The following SLC25A45 variants were observed in gnomAD, a reference collection of about 807,000 sequenced individuals.
SLC25A45 encodes the protein solute carrier family 25 member 45.
SLC25A45 carries 22 observed loss-of-function variants against 23.0 expected under a neutral mutation model. The ratio of observed to expected loss-of-function variants is 0.95; its 90% CI spans 0.68 to 1.36. The LOEUF (loss-of-function observed/expected upper bound fraction) is 1.36, where lower values mean the gene tolerates loss of function less well. Among genes scored for constraint, SLC25A45 ranks in the 40% most tolerant of loss-of-function variants. SLC25A45 has a pLI of 0.00. For missense variants in SLC25A45, 355 were observed against 383.5 expected, an observed-to-expected ratio of 0.93 and a Z score of 0.62; for synonymous variants, 136 against 155.0, an observed-to-expected ratio of 0.88 and a Z score of 0.91.
rs780923954 is a variant in SLC25A45, at chr11:65,382,002, T to C, written c.-18-33A>G. The stretch of plus-strand genomic sequence containing the variant: ...CTCCAGCAGAGGAGACAGAGTTGAA[T>C]TCCCCCCTCTCCCTCCCCTGGCCCA... On this transcript the variant is annotated intron_variant, in intron 1 of 6. Coordinates refer to ENST00000398802, the MANE Select transcript of SLC25A45 (RefSeq NM_182556.4). This position sits in a 1 kb window ranked among gnomAD's most constrained non-coding sequence, Gnocchi z 4.4. 3.4e-6 allele frequency: 5 copies of C among 1,489,292 alleles called. No homozygotes were observed. Among genetic ancestry groups the C allele is most frequent in the East Asian group, 2.3e-5 (1 of 44,272 alleles). The allele number at this position is 1,489,292 out of a possible 1,614,324, so 92.3% of individuals were successfully genotyped here.
In SLC25A45 at chr11:65,376,367, C is replaced by T; in HGVS notation, c.*40G>A. 1 of 1,600,946 alleles carries T rather than the reference C, an allele frequency of 6.2e-7. No homozygotes were observed. The highest frequency in any genetic ancestry group is 8.5e-7 in the Non-Finnish European group (1 of 1,170,410). ...CTCCAATCTCAAACTGGCCTCCAGG[C>T]CGTGGGCCTGATGGGGAGCTGCTGG... On this transcript the variant is annotated 3_prime_UTR_variant, in exon 7 of 7. Coordinates refer to ENST00000398802, the MANE Select transcript of SLC25A45 (RefSeq NM_182556.4).
Position 65,382,245 on chromosome 11 carries a change from A to G in SLC25A45, c.-19+241T>C. The G allele has an allele frequency of 2.0e-6, 1 of 497,838 alleles. No individual in the cohort carries two copies. The highest frequency in any genetic ancestry group is 3.7e-6 in the Non-Finnish European group (1 of 272,012). 30.8% of individuals were successfully genotyped at this position (497,838 alleles called of 1,614,324 possible). ...CAATGATCCTCGCTCTGAGGATGGC[A>G]ACTGGGTTCCTGCCCCATGGTCGGG... On this transcript the variant is annotated intron_variant, in intron 1 of 6. Transcript: ENST00000398802. This position sits in a 1 kb window ranked among gnomAD's most constrained non-coding sequence, Gnocchi z 4.4.
At chr11:65,377,535 G>T in intron 5 of SLC25A45, 1 of 507,134 alleles carries the variant, frequency 2.0e-6, no homozygotes, top group Non-Finnish European at 2.6e-6. Flanking sequence ...GTTCTCCTGC[G>T]CCCACCTCTC....
intron 5 of SLC25A45, chr11:65,378,332 A>G (rs1331706745): frequency 2.0e-5 from 3 of 152,032 alleles, no homozygotes; most frequent in African/African-American, 7.3e-5. Flanking sequence ...ACTAAAACAC[A>G]TTTTTCCTTT....
chr11:65,377,510 C>T (rs1205410424), intron 5 of SLC25A45: 1 of 753,150 alleles, frequency 1.3e-6, no homozygotes, highest in Non-Finnish European at 1.6e-6. Context: ...TGAAGGAGGT[C>T]CCCTCGTGAG....
chr11:65,380,876 C>A (rs1223608695), intron 2 of SLC25A45: 3 of 288,804 alleles, frequency 1.0e-5, no homozygotes, highest in South Asian at 2.9e-5. Context: ...CCAGGTGGGG[C>A]AGAGGCCCAG....
At chr11:65,379,588 G>A (rs1438554566) in intron 4 of SLC25A45, 27 bp from the exon 5 acceptor site, 1 of 1,583,384 alleles carries the variant, frequency 6.3e-7, no homozygotes, top group Non-Finnish European at 8.6e-7. Context: ...TGGCAGCGGA[G>A]TAGGCACCGT....
chr11:65,375,667 A>AG lies in SLC25A45; in HGVS notation c.*739dup, dbSNP rs779599075. 1 of 152,310 alleles carries AG rather than the reference A, an allele frequency of 6.6e-6. No individual in the cohort carries two copies. The highest frequency in any genetic ancestry group is 1.9e-4 in the East Asian group (1 of 5,184). 9.4% of individuals were successfully genotyped at this position (152,310 alleles called of 1,614,324 possible). ...GAGAGCCACTGAAGGATTCTGGGGGAGGAGACATAGGGTTATCCTGGGTCA... is the reference window on the plus strand; with the variant it reads ...GAGAGCCACTGAAGGATTCTGGGGGAGGGAGACATAGGGTTATCCTGGGTCA... On this transcript the variant is annotated 3_prime_UTR_variant, in exon 7 of 7. Coordinates refer to ENST00000398802, the MANE Select transcript of SLC25A45 (RefSeq NM_182556.4).
At position 65,376,005 on chromosome 11, in the gene SLC25A45, G is replaced by C; in HGVS notation, c.*402C>G. ...TGAACCCGGAAGGTGGAAAGGCGGA[G>C]GTTGCAGTGAGCCGAGATCACGCCA... is the stretch of plus-strand genomic sequence containing the variant. On this transcript the variant is annotated 3_prime_UTR_variant, in exon 7 of 7. Coordinates refer to ENST00000398802, the MANE Select transcript of SLC25A45 (RefSeq NM_182556.4). 5.3e-6 allele frequency: 1 copy of C among 187,782 alleles called. No individual in the cohort carries two copies. The highest frequency in any genetic ancestry group is 1.1e-5 in the Non-Finnish European group (1 of 90,320). The allele number at this position is 187,782 out of a possible 1,614,324, so 11.6% of individuals were successfully genotyped here. A position where few individuals can be genotyped will look rare whatever the true frequency, so the allele number is the denominator to read the frequency against.
At chr11:65,380,688 T>C in intron 2 of SLC25A45, 1 of 1,017,162 alleles carries the variant, frequency 9.8e-7, no homozygotes. Flanking sequence ...CCCCTCCACC[T>C]GCCCACTGCC....
intron 2 of SLC25A45, 183 bp downstream of exon 2, chr11:65,381,732 T>A (rs528396425): frequency 5.9e-6 from 4 of 676,224 alleles, no homozygotes; most frequent in African/African-American, 3.6e-5. Flanking sequence ...TTATTTTGAT[T>A]TTTTTGTAGA....
intron 2 of SLC25A45, chr11:65,381,383 C>T (rs756082519): frequency 6.4e-6 from 1 of 155,456 alleles, no homozygotes; most frequent in Non-Finnish European, 1.4e-5. Context: ...CCTACCTCAG[C>T]CTCCCAAAGT....
intron 5 of SLC25A45, chr11:65,379,057 A>C: frequency 2.8e-6 from 1 of 353,028 alleles, no homozygotes; most frequent in Non-Finnish European, 5.3e-6. Flanking sequence ...CTCCTTGGGG[A>C]GTGGGCTCCC....
In SLC25A45 at chr11:65,375,253, A is replaced by G. The variant is rs1183873241; in HGVS notation, c.*1154T>C. 6.6e-6 allele frequency: 1 copy of G among 152,320 alleles called. No homozygotes were observed. The highest frequency in any genetic ancestry group is 1.5e-5 in the Non-Finnish European group (1 of 68,096). The allele number at this position is 152,320 out of a possible 1,614,324, so 9.4% of individuals were successfully genotyped here. ...AAGCACCAGGCTCAGGCTGGAAACC[A>G]TCCAAAGCGCAATCCCTGACCTCAG... is the stretch of plus-strand genomic sequence containing the variant. On this transcript the variant is annotated 3_prime_UTR_variant, in exon 7 of 7. Transcript: ENST00000398802.
intron 5 of SLC25A45, chr11:65,378,139 G>A (rs1186028846): frequency 6.6e-6 from 1 of 152,172 alleles, no homozygotes; most frequent in Non-Finnish European, 1.5e-5. Context: ...GGCTTCAGGA[G>A]GTGTTCTGAG....
rs1321573519 is a variant in SLC25A45 at position 65,382,389 on chromosome 11, C to T, written c.-19+97G>A. The T allele has an allele frequency of 9.7e-6, 2 of 207,252 alleles. No homozygotes were observed. The highest frequency in any genetic ancestry group is 7.6e-5 in the South Asian group (1 of 13,200). 12.8% of individuals were successfully genotyped at this position (207,252 alleles called of 1,614,324 possible). A position where few individuals can be genotyped will look rare whatever the true frequency, so the allele number is the denominator to read the frequency against. On this transcript the variant is annotated intron_variant, in intron 1 of 6. Transcript: ENST00000398802. This position sits in a 1 kb window ranked among gnomAD's most constrained non-coding sequence, Gnocchi z 4.4. ...CCGCCCCCATGCCACAGAGAGAGGCCGGGTGCGGAGGTAGCGTGGCCACCA... is the reference window on the plus strand; with the variant it reads ...CCGCCCCCATGCCACAGAGAGAGGCTGGGTGCGGAGGTAGCGTGGCCACCA...
At chr11:65,379,104 G>A (rs762830319) in intron 5 of SLC25A45, 31 of 462,246 alleles carry the variant, frequency 6.7e-5, no homozygotes, top group Non-Finnish European at 9.8e-5. Context: ...CTGGAGGGGG[G>A]CAAGCCCCGT....
At chr11:65,380,069 G>A (rs577044521) in intron 3 of SLC25A45, 63 bp downstream of exon 3, 1 of 1,586,850 alleles carries the variant, frequency 6.3e-7, no homozygotes, top group African/African-American at 1.3e-5. Context: ...CCTGATCTCA[G>A]GGCACCCTGA....
At position 65,376,193 on chromosome 11, in the gene SLC25A45, G is replaced by A; in HGVS notation, c.*214C>T. ...TTTCACAGATGTGGGAGGCAAAGGA[G>A]TCAAGGCCAGCTACACAGGGAGGCT... On this transcript the variant is annotated 3_prime_UTR_variant, in exon 7 of 7. Coordinates refer to ENST00000398802, the MANE Select transcript of SLC25A45 (RefSeq NM_182556.4). 1.6e-6 allele frequency: 1 copy of A among 616,464 alleles called. No individual in the cohort carries two copies. The highest frequency in any genetic ancestry group is 2.8e-6 in the Non-Finnish European group (1 of 353,702). The allele number at this position is 616,464 out of a possible 1,614,324, so 38.2% of individuals were successfully genotyped here. A position where few individuals can be genotyped will look rare whatever the true frequency, so the allele number is the denominator to read the frequency against.
Sources: allele counts gnomAD v4.1 joint callset, GRCh38; gene constraint gnomAD v4.1.1; non-coding constraint Gnocchi (gnomAD v3.1); transcripts MANE v1.5; gene names NCBI Gene and HGNC (gene_info 2026-07-23, HGNC 2026-07-21).